Variants in LAMA2 observed in about 807,000 individuals in gnomAD.
LAMA2 encodes the protein laminin subunit alpha 2, also known as laminin subunit alpha-2.
A neutral mutation model predicts 364.8 loss-of-function variants in LAMA2; 269 were observed. That is an observed-to-expected ratio of 0.74 (90% CI 0.67 to 0.82). The LOEUF is 0.82. LAMA2 is among the 40% of genes least tolerant of loss of function. The probability of loss-of-function intolerance (pLI) is 0.00; values close to 1 mark genes in which losing one functional copy is unlikely to be tolerated. For synonymous variants in LAMA2, 1,379 were observed against 1,370.6 expected (o/e 1.01, Z -0.14); for missense variants, 3,807 against 3,873.2 (o/e 0.98, Z 0.45).
chr6:129,274,760 A>G (rs1408515911), intron 17 of LAMA2, among the ~76,000 whole-genome samples: 1 of 152,046 alleles, frequency 6.6e-6, no homozygotes, highest in African/African-American at 2.4e-5. Context: ...GTAACTAGGC[A>G]GTAAAAGTTA....
chr6:129,414,993 A>C (rs750054684), intron 40 of LAMA2, among the ~76,000 whole-genome samples: 1 of 151,986 alleles, frequency 6.6e-6, no homozygotes, highest in Non-Finnish European at 1.5e-5. Flanking sequence ...ACATTTTCCC[A>C]CCCTTCAGTT....
rs544271722 is a variant in LAMA2 at position 129,066,038 on chromosome 6, G to GTTTTTTTTTTTTTT, written c.396+6154_396+6167dup. Among the ~76,000 whole-genome samples, 40 of 37,112 alleles carry GTTTTTTTTTTTTTT rather than the reference G, an allele frequency of 1.1e-3. 3 individuals carry two copies. The highest frequency in any genetic ancestry group is 3.4e-3 in the African/African-American group (40 of 11,698). 24.3% of individuals were successfully genotyped at this position (37,112 alleles called of 152,430 possible). A position where few individuals can be genotyped will look rare whatever the true frequency, so the allele number is the denominator to read the frequency against. The stretch of plus-strand genomic sequence containing the variant: ...TCTTTTGTAAATTGCCCAGTCTCAG[G>GTTTTTTTTTTTTTT]TTTTTTTTTTTTTTTTTTTTTTTTT... On this transcript the variant is annotated intron_variant, in intron 3 of 64. Coordinates refer to ENST00000421865, the MANE Select transcript of LAMA2 (RefSeq NM_000426.4).
chr6:129,179,914 G>A (rs749009130), intron 10 of LAMA2, among the ~76,000 whole-genome samples: 1 of 152,042 alleles, frequency 6.6e-6, no homozygotes, highest in Non-Finnish European at 1.5e-5. Flanking sequence ...GCCACGATGA[G>A]TTATATCAAA....
At chr6:129,318,830 A>G (rs1774776522) in intron 27 of LAMA2, among the ~76,000 whole-genome samples, 1 of 152,256 alleles carries the variant, frequency 6.6e-6, no homozygotes, top group South Asian at 2.1e-4. Flanking sequence ...TATAAAGTTT[A>G]TGACTCAAAC....
intron 1 of LAMA2, among the ~76,000 whole-genome samples, chr6:128,883,599 G>A (rs1273346804): frequency 6.6e-6 from 1 of 151,942 alleles, no homozygotes; most frequent in East Asian, 1.9e-4. Context: ...CTTTAGTTTC[G>A]AAGAGGTCTT....
intron 12 of LAMA2, among the ~76,000 whole-genome samples, chr6:129,226,576 C>A (rs1455621642): frequency 6.6e-6 from 1 of 151,840 alleles, no homozygotes; most frequent in Non-Finnish European, 1.5e-5. Flanking sequence ...TATTTTATTT[C>A]TCCTTCACTT....
rs1184562745 is a variant in LAMA2 at position 128,990,637 on chromosome 6, G to A, written c.113-59281G>A. Among the ~76,000 whole-genome samples, 3 of 152,082 alleles carry A rather than the reference G, an allele frequency of 2.0e-5. No individual in the cohort carries two copies. In the East Asian group the frequency reaches 5.8e-4, roughly 29 times the overall value. On this transcript the variant is annotated intron_variant, in intron 1 of 64. Coordinates refer to ENST00000421865, the MANE Select transcript of LAMA2 (RefSeq NM_000426.4). The stretch of plus-strand genomic sequence containing the variant: ...TGCCTTAAGCCAAGTACATGTTAAA[G>A]GACTATTTTGTATTATTATTTTGTT...
At position 129,194,075 on chromosome 6, in the gene LAMA2, C is replaced by T. The variant is rs141572083; in HGVS notation, c.1782+1222C>T. Reference sequence around the variant, plus strand: ...CGAATTAAACTTTTATTTGCAAGGCCCTTTACAGCAAGAAGTCATTTTATC... The same window carrying T: ...CGAATTAAACTTTTATTTGCAAGGCTCTTTACAGCAAGAAGTCATTTTATC... On this transcript the variant is annotated intron_variant, in intron 12 of 64. Coordinates refer to ENST00000421865, the MANE Select transcript of LAMA2 (RefSeq NM_000426.4). Among the ~76,000 whole-genome samples the T allele has an allele frequency of 3.5e-3, 537 of 151,876 alleles. 1 individual carries two copies. Among genetic ancestry groups the T allele is most frequent in the South Asian group, 0.02 (98 of 4,802 alleles).
At chr6:129,477,526 A>G (rs1784128274) in intron 53 of LAMA2, among the ~76,000 whole-genome samples, 1 of 152,154 alleles carries the variant, frequency 6.6e-6, no homozygotes, top group Non-Finnish European at 1.5e-5. Flanking sequence ...AGTCTTGGAG[A>G]ACTTAGATCA....
Position 129,505,273 on chromosome 6 carries a change from A to C in LAMA2, c.8621A>C (p.Lys2874Thr). The change falls in exon 61 of 65, where the codon AAA (lysine) becomes ACA (threonine). Residue 2874 changes from lysine (K) to threonine (T), a missense_variant. Physicochemically the swap from Lys to Thr is moderately conservative, Grantham distance 78 (BLOSUM62 -1). Coordinates refer to ENST00000421865, the MANE Select transcript of LAMA2 (RefSeq NM_000426.4). Reference sequence around the variant, plus strand: ...GCTTCCAACAGAACCATCAGTCCCAAAAAAGCCGACATCCTGGATGTCGTG... The same window carrying C: ...GCTTCCAACAGAACCATCAGTCCCACAAAAGCCGACATCCTGGATGTCGTG... ...DGASNRTISP[K>T]KADILDVVGM... The C allele has an allele frequency of 6.2e-7, 1 of 1,613,970 alleles. No individual in the cohort carries two copies. The highest frequency in any genetic ancestry group is 8.5e-7 in the Non-Finnish European group (1 of 1,179,854).
chr6:129,150,741 G>A (rs1778743838), intron 7 of LAMA2, among the ~76,000 whole-genome samples: 1 of 152,032 alleles, frequency 6.6e-6, no homozygotes, highest in African/African-American at 2.4e-5. Flanking sequence ...ATTCAAGATG[G>A]GGATCTTAGC....
intron 62 of LAMA2, among the ~76,000 whole-genome samples, chr6:129,511,604 T>C (rs1051221759): frequency 6.6e-6 from 1 of 152,152 alleles, no homozygotes; most frequent in African/African-American, 2.4e-5. Flanking sequence ...AATAGAAGAC[T>C]TGGAGAAAAT....
At chr6:129,240,586 C>A (rs1318285046) in intron 12 of LAMA2, among the ~76,000 whole-genome samples, 10 of 152,168 alleles carry the variant, frequency 6.6e-5, no homozygotes, top group Non-Finnish European at 1.5e-4. Flanking sequence ...TGGATGAAGT[C>A]TAATTTGTCA....
At chr6:129,018,232 A>G (rs1440088057) in intron 1 of LAMA2, among the ~76,000 whole-genome samples, 1 of 152,092 alleles carries the variant, frequency 6.6e-6, no homozygotes, top group African/African-American at 2.4e-5. Context: ...AGAAAAAGAC[A>G]TTAAAAAGAC....
intron 34 of LAMA2, among the ~76,000 whole-genome samples, chr6:129,380,651 G>A (rs1778631035): frequency 6.6e-6 from 1 of 152,156 alleles, no homozygotes; most frequent in African/African-American, 2.4e-5. Context: ...TACAGGTGTT[G>A]AGGAGAAGCT....
intron 12 of LAMA2, among the ~76,000 whole-genome samples, chr6:129,208,743 GAGGA>G (rs977535762): frequency 4.1e-5 from 6 of 147,172 alleles, no homozygotes; most frequent in Admixed American, 1.3e-4. Context: ...AGGAGGGAGG[GAGGA>G]AGGAAGGAAG....
chr6:128,977,463 A>G (rs1261141601), intron 1 of LAMA2, among the ~76,000 whole-genome samples: 3 of 151,596 alleles, frequency 2.0e-5, no homozygotes, highest in Non-Finnish European at 4.4e-5. Flanking sequence ...AGGTCTCACT[A>G]TGTTGCCCAG....
At position 129,235,859 on chromosome 6, in the gene LAMA2, T is replaced by C. The variant is rs539249184; in HGVS notation, c.1783-14253T>C. Among the ~76,000 whole-genome samples, 3 of 152,318 alleles carry C rather than the reference T, an allele frequency of 2.0e-5. No homozygotes were observed. The South Asian group carries it at 6.2e-4, about 32-fold the overall frequency. On this transcript the variant is annotated intron_variant, in intron 12 of 64. Coordinates refer to ENST00000421865, the MANE Select transcript of LAMA2 (RefSeq NM_000426.4). ...CAGTCTGACCTACTTATATGTGTGA[T>C]GAAATGTGCAGACTCTGCCAAGGCT...
rs1388916896 is a variant in LAMA2 at position 129,250,140 on chromosome 6, T to G, written c.1811T>G (p.Phe604Cys). ...KLPAVGGQLTFTISYDLEEEE... is the reference protein window; with the variant it reads ...KLPAVGGQLTCTISYDLEEEE... ...CCAGCAGTAGGAGGACAGTTGACAT[T>G]TACCATATCATATGACCTTGAAGAA... Residue 604 changes from phenylalanine to cysteine, a missense_variant, in exon 13 of 65, where the codon TTT becomes TGT. By Grantham distance (205) the Phe-to-Cys change is radical (BLOSUM62 -2). Around this residue, in one of 3 missense-constraint regions of LAMA2, gnomAD observed 3,333 missense variants for 3,345.7 expected, o/e 1.00. Coordinates refer to ENST00000421865, the MANE Select transcript of LAMA2 (RefSeq NM_000426.4). 2 of 1,608,502 alleles carry G rather than the reference T, an allele frequency of 1.2e-6. No homozygotes were observed. The highest frequency in any genetic ancestry group is 8.5e-7 in the Non-Finnish European group (1 of 1,175,174).
Sources: gnomAD v4.1 joint callset for allele counts (sites outside exome capture counted in the v4.1 genomes callset) on GRCh38, gnomAD v4.1.1 for gene constraint, gnomAD v4.1.1 regional missense constraint, MANE v1.5 for transcripts, NCBI Gene and HGNC (gene_info 2026-07-23, HGNC 2026-07-21) for gene names.